Variants in LGI3 observed in about 807,000 individuals in gnomAD.
The protein encoded by LGI3 is leucine rich repeat LGI family member 3.
In LGI3, 47 loss-of-function variants were observed where a neutral mutation model predicts 55.4. The observed-to-expected ratio is 0.85, with a 90% confidence interval of 0.67 to 1.08. The LOEUF (loss-of-function observed/expected upper bound fraction) is 1.08. LGI3 is among the 50% of genes least tolerant of loss of function. The pLI is 0.00. For synonymous variants in LGI3, 326 were observed against 315.0 expected (o/e 1.04, Z -0.37); for missense variants, 664 against 726.3 (o/e 0.91, Z 0.99).
At position 22,156,590 on chromosome 8, in the gene LGI3, A is replaced by G. The variant is rs991817302; in HGVS notation, c.-48T>C. 3 of 716,362 alleles carry G rather than the reference A, an allele frequency of 4.2e-6. No individual in the cohort carries two copies. Among genetic ancestry groups the G allele is most frequent in the Non-Finnish European group, 5.6e-6 (3 of 532,612 alleles). 44.4% of individuals were successfully genotyped at this position (716,362 alleles called of 1,614,324 possible). ...GGCCGGCGGCCGCGGCCCCCGCCCC[A>G]CCGCTCCCGCGGCTGGGCCACCCCG... On this transcript the variant is annotated 5_prime_UTR_variant, in exon 1 of 8. Coordinates refer to ENST00000306317, the MANE Select transcript of LGI3 (RefSeq NM_139278.4).
chr8:22,155,422 G>A lies in LGI3; in HGVS notation c.248C>T (p.Ala83Val), dbSNP rs763691960. The change falls in exon 2 of 8, where the codon GCG becomes GTG. Residue 83 changes from alanine to valine, a missense_variant. Coordinates refer to ENST00000306317, the MANE Select transcript of LGI3 (RefSeq NM_139278.4). Reference sequence around the variant, plus strand: ...CTGCAGCAGCGGGAGGTGGGAGAACGCTCCATCCTGGATCTCTGAGAAGGC... The same window carrying A: ...CTGCAGCAGCGGGAGGTGGGAGAACACTCCATCCTGGATCTCTGAGAAGGC... ...NAAFSEIQDG[A>V]FSHLPLLQFL... 40 of 1,613,754 alleles carry A rather than the reference G, an allele frequency of 2.5e-5. No individual in the cohort carries two copies. Among genetic ancestry groups the A allele is most frequent in the African/African-American group, 5.3e-5 (4 of 74,924 alleles).
At chr8:22,155,206 C>T (rs1827471186) in intron 2 of LGI3, 186 bp downstream of exon 2, 6 of 623,192 alleles carry the variant, frequency 9.6e-6, no homozygotes, top group South Asian at 9.3e-5. Context: ...CCTCCTGCTG[C>T]CCCGACTCCC....
rs1300773511 is a variant in LGI3 at position 22,151,605 on chromosome 8, G to C, written c.713C>G (p.Pro238Arg). 2 of 1,614,022 alleles carry C rather than the reference G, an allele frequency of 1.2e-6. No individual in the cohort carries two copies. Among genetic ancestry groups the C allele is most frequent in the South Asian group, 1.1e-5 (1 of 91,094 alleles). ...TLAFPAVSAEPFLYSSDLYLA... is the reference protein window; with the variant it reads ...TLAFPAVSAERFLYSSDLYLA... ...ATAGAGGTCACTGGAGTAGAGGAAGGGCTCAGCCGACACTGCTGGGAAGGC... is the reference window on the plus strand; with the variant it reads ...ATAGAGGTCACTGGAGTAGAGGAAGCGCTCAGCCGACACTGCTGGGAAGGC... The change falls in exon 7 of 8, where the codon CCC becomes CGC. Residue 238 changes from proline (P) to arginine (R), a missense_variant. Pro to Arg is a moderately radical substitution (Grantham distance 103, BLOSUM62 -2). Transcript: ENST00000306317.
intron 7 of LGI3, among the ~76,000 whole-genome samples, chr8:22,151,064 C>G (rs2131793752): frequency 1.3e-5 from 2 of 152,206 alleles, no homozygotes; most frequent in South Asian, 4.2e-4. Context: ...TTTCAAGACT[C>G]AGATCAAACT....
rs544300318 is a variant in LGI3 at position 22,147,822 on chromosome 8, T to C, written c.*338A>G. ...AAGGAGAAGCACAAGGACAGGAGGA[T>C]GCGGCCCCCCTCGCTCCCAGCACCC... On this transcript the variant is annotated 3_prime_UTR_variant, in exon 8 of 8. Coordinates refer to ENST00000306317, the MANE Select transcript of LGI3 (RefSeq NM_139278.4). 9.5e-5 allele frequency: 25 copies of C among 261,892 alleles called. No individual in the cohort carries two copies. The highest frequency in any genetic ancestry group is 4.9e-4 in the Admixed American group (10 of 20,294). The allele number at this position is 261,892 out of a possible 1,614,324, so 16.2% of individuals were successfully genotyped here.
chr8:22,150,160 A>C (rs986912780), intron 7 of LGI3, among the ~76,000 whole-genome samples: 8 of 152,212 alleles, frequency 5.3e-5, no homozygotes, highest in Admixed American at 3.9e-4. Flanking sequence ...GTGTGTATGT[A>C]GATTGGTGTT....
chr8:22,153,923 G>A (rs1169217529), intron 5 of LGI3, 45 bp downstream of exon 5: 3 of 1,581,610 alleles, frequency 1.9e-6, no homozygotes, highest in East Asian at 4.5e-5. Context: ...CTCCAGGGAT[G>A]CGCCCTCTGC....
chr8:22,156,315 A>G (rs1399614775), intron 1 of LGI3, 22 bp downstream of exon 1: 1 of 1,608,592 alleles, frequency 6.2e-7, no homozygotes, highest in Non-Finnish European at 8.5e-7. Context: ...CCCAACCCCC[A>G]AGGCCAGGGC....
chr8:22,151,023 C>CT (rs1288713859), intron 7 of LGI3, among the ~76,000 whole-genome samples: 2 of 152,176 alleles, frequency 1.3e-5, no homozygotes, highest in Admixed American at 6.5e-5. Flanking sequence ...ACTCTTTCCA[C>CT]TTTTTTGCTC....
At position 22,156,579 on chromosome 8, in the gene LGI3, G is replaced by GC; in HGVS notation, c.-38dup. ...TCTCTCCCTGGGGCCGGCGGCCGCGGCCCCCGCCCCACCGCTCCCGCGGCT... is the reference window on the plus strand; with the variant it reads ...TCTCTCCCTGGGGCCGGCGGCCGCGGCCCCCCGCCCCACCGCTCCCGCGGCT... On this transcript the variant is annotated 5_prime_UTR_variant, in exon 1 of 8. Coordinates refer to ENST00000306317, the MANE Select transcript of LGI3 (RefSeq NM_139278.4). 1.2e-6 allele frequency: 1 copy of GC among 845,170 alleles called. No individual in the cohort carries two copies. Among genetic ancestry groups the GC allele is most frequent in the Non-Finnish European group, 1.6e-6 (1 of 643,880 alleles). 52.4% of individuals were successfully genotyped at this position (845,170 alleles called of 1,614,324 possible).
chr8:22,149,496 G>T (rs1449417751), intron 7 of LGI3, among the ~76,000 whole-genome samples: 1 of 152,174 alleles, frequency 6.6e-6, no homozygotes. Flanking sequence ...AGCGGGGAGA[G>T]AAATCTTAGG....
chr8:22,149,592 T>C (rs1378641144), intron 7 of LGI3, among the ~76,000 whole-genome samples: 1 of 152,182 alleles, frequency 6.6e-6, no homozygotes, highest in Non-Finnish European at 1.5e-5. Context: ...GGCTTTTATA[T>C]ACAAGAATGC....
Position 22,156,508 on chromosome 8 carries a change from G to C in LGI3, c.35C>G (p.Pro12Arg), listed in dbSNP as rs772786699. 1.4e-5 allele frequency: 19 copies of C among 1,399,588 alleles called. No individual in the cohort carries two copies. The highest frequency in any genetic ancestry group is 2.7e-4 in the Middle Eastern group (1 of 3,750). 86.7% of individuals were successfully genotyped at this position (1,399,588 alleles called of 1,614,324 possible). A position where few individuals can be genotyped will look rare whatever the true frequency, so the allele number is the denominator to read the frequency against. The change falls in exon 1 of 8, where the codon CCG (proline) becomes CGG (arginine). Residue 12 changes from proline to arginine, a missense_variant. Pro to Arg is a moderately radical substitution (Grantham distance 103). Coordinates refer to ENST00000306317, the MANE Select transcript of LGI3 (RefSeq NM_139278.4). ...GAGCGCGGAGAGCGCCAGCAGCCCC[G>C]GCCCCGGGCCCCCCCTGGCCCGCAG... ...AGLRARGGPG[P>R]GLLALSALGF...
At chr8:22,150,326 C>T (rs1329564481) in intron 7 of LGI3, among the ~76,000 whole-genome samples, 3 of 144,052 alleles carry the variant, frequency 2.1e-5, no homozygotes, top group African/African-American at 7.7e-5. Flanking sequence ...TTTTCTATTT[C>T]ATCTTGTGTC....
In LGI3 at chr8:22,147,778, G is replaced by A; in HGVS notation, c.*382C>T. The A allele has an allele frequency of 5.0e-6, 1 of 199,504 alleles. No homozygotes were observed. The highest frequency in any genetic ancestry group is 1.0e-5 in the Non-Finnish European group (1 of 97,130). 12.4% of individuals were successfully genotyped at this position (199,504 alleles called of 1,614,324 possible). ...GTAAACAATGCCTGGAGCACCAACA[G>A]GAAAGACCAGAGGGGCAGAAGGAGA... On this transcript the variant is annotated 3_prime_UTR_variant, in exon 8 of 8. Transcript: ENST00000306317.
intron 7 of LGI3, among the ~76,000 whole-genome samples, chr8:22,150,637 C>T (rs189848235): frequency 1.4e-4 from 21 of 152,172 alleles, no homozygotes; most frequent in Non-Finnish European, 2.5e-4. Context: ...GGATTACAGG[C>T]GTGAGCCACC....
Position 22,148,774 on chromosome 8 carries a change from C to T in LGI3, c.1033G>A (p.Val345Met), listed in dbSNP as rs112256302. ...FRIDGDWYFA[V>M]ADSSKAGATS... Reference sequence around the variant, plus strand: ...GCGCCTGCCTTGGAGCTGTCAGCCACGGCAAAGTACCAGTCACCGTCGATG... The same window carrying T: ...GCGCCTGCCTTGGAGCTGTCAGCCATGGCAAAGTACCAGTCACCGTCGATG... The change falls in exon 8 of 8, where the codon GTG becomes ATG. Residue 345 changes from valine (V) to methionine (M), a missense_variant. By Grantham distance (21) the Val-to-Met change is conservative (BLOSUM62 1). Transcript: ENST00000306317. This position sits in a 1 kb window ranked among gnomAD's most constrained non-coding sequence, Gnocchi z 7.0. 4.1e-5 allele frequency: 66 copies of T among 1,614,070 alleles called. No individual in the cohort carries two copies. Among genetic ancestry groups the T allele is most frequent in the African/African-American group, 9.3e-5 (7 of 74,942 alleles).
chr8:22,154,074 T>C, intron 4 of LGI3, 35 bp from the exon 5 acceptor site: 2 of 1,613,656 alleles, frequency 1.2e-6, no homozygotes, highest in South Asian at 2.2e-5. Flanking sequence ...CTGAAGATCA[T>C]GAGCAAGGCC....
At position 22,156,403 on chromosome 8, in the gene LGI3, C is replaced by G. The variant is rs1420387349; in HGVS notation, c.140G>C (p.Arg47Thr). 3.1e-6 allele frequency: 5 copies of G among 1,600,850 alleles called. No individual in the cohort carries two copies. Among genetic ancestry groups the G allele is most frequent in the African/African-American group, 2.7e-5 (2 of 73,816 alleles). The stretch of plus-strand genomic sequence containing the variant: ...TGAGTCCACGCAGAAGGCGGTGTCC[C>G]TGGTGCAAGAGCAGCTGGGCGGGCA... ...PPCPPSCSCT[R>T]DTAFCVDSKA... The change falls in exon 1 of 8, where the codon AGG becomes ACG. Residue 47 changes from arginine (R) to threonine (T), a missense_variant. Arg to Thr is a moderately conservative substitution (Grantham distance 71). Coordinates refer to ENST00000306317, the MANE Select transcript of LGI3 (RefSeq NM_139278.4).
Sources: gnomAD v4.1 joint callset for allele counts (sites outside exome capture counted in the v4.1 genomes callset) on GRCh38, gnomAD v4.1.1 for gene constraint, Gnocchi (gnomAD v3.1) non-coding constraint, MANE v1.5 for transcripts, NCBI Gene and HGNC (gene_info 2026-07-23, HGNC 2026-07-21) for gene names.